Variants in CPED1 observed in about 807,000 individuals in gnomAD.
CPED1 encodes cadherin like and PC-esterase domain containing 1, also known as cadherin-like and PC-esterase domain-containing protein 1.
Under a neutral mutation model 128.2 loss-of-function variants are expected in CPED1, and 114 were observed. The ratio of observed to expected loss-of-function variants is 0.89; its 90% CI spans 0.76 to 1.04. CPED1 has a LOEUF of 1.04. CPED1 is among the 50% of genes least tolerant of loss of function. CPED1 has a pLI of 0.00. For missense variants in CPED1, 1,211 were observed against 1,207.1 expected (o/e 1.00, Z -0.05); for synonymous variants, 462 against 426.7 (o/e 1.08, Z -1.02).
chr7:121,203,215 C>T (rs1177483725), intron 16 of CPED1, among the ~76,000 whole-genome samples: 1 of 152,084 alleles, frequency 6.6e-6, no homozygotes, highest in East Asian at 1.9e-4. Context: ...TCCTTCTATA[C>T]CTTCACAGAT....
intron 16 of CPED1, among the ~76,000 whole-genome samples, chr7:121,221,951 T>G (rs1779650970): frequency 6.6e-6 from 1 of 152,192 alleles, no homozygotes. Context: ...CAGAAGCCCT[T>G]TAGTTTAATT....
intron 3 of CPED1, among the ~76,000 whole-genome samples, chr7:121,035,894 G>A (rs1447055139): frequency 6.6e-6 from 1 of 151,744 alleles, no homozygotes; most frequent in South Asian, 2.1e-4. Flanking sequence ...CTTTTCGTGG[G>A]AGATAATGGG....
chr7:121,241,186 A>G (rs11977799), intron 17 of CPED1, among the ~76,000 whole-genome samples: 2 of 98,608 alleles, frequency 2.0e-5, no homozygotes, highest in African/African-American at 4.1e-5. Flanking sequence ...TACTAAAAAT[A>G]CAAAAAAAAA....
intron 17 of CPED1, among the ~76,000 whole-genome samples, chr7:121,241,933 C>T (rs992981523): frequency 5.3e-5 from 8 of 152,144 alleles, no homozygotes; most frequent in African/African-American, 1.7e-4. Flanking sequence ...ATATTGGAAT[C>T]ACCAAAGAAG....
intron 16 of CPED1, among the ~76,000 whole-genome samples, chr7:121,192,855 T>C (rs541433892): frequency 6.6e-6 from 1 of 152,160 alleles, no homozygotes; most frequent in African/African-American, 2.4e-5. Context: ...AAAATAGATA[T>C]GATTTTTATG....
At chr7:121,101,978 T>G (rs1208355429) in intron 7 of CPED1, among the ~76,000 whole-genome samples, 2 of 152,158 alleles carry the variant, frequency 1.3e-5, no homozygotes, top group Non-Finnish European at 2.9e-5. Context: ...AAAATCCTTC[T>G]TACGCTATAG....
At chr7:121,015,154 C>G (rs1044677217) in intron 2 of CPED1, among the ~76,000 whole-genome samples, 2 of 152,268 alleles carry the variant, frequency 1.3e-5, no homozygotes, top group South Asian at 4.1e-4. Flanking sequence ...TTTGCTACAG[C>G]CTAATTGAGA....
chr7:121,123,603 T>A (rs1422321971), intron 7 of CPED1, among the ~76,000 whole-genome samples: 2 of 152,312 alleles, frequency 1.3e-5, no homozygotes, highest in Non-Finnish European at 2.9e-5. Context: ...GTTTTTGTCA[T>A]TTTAATATTT....
intron 5 of CPED1, among the ~76,000 whole-genome samples, chr7:121,091,150 A>G (rs1293111159): frequency 2.0e-5 from 3 of 148,710 alleles, no homozygotes; most frequent in South Asian, 2.2e-4. Context: ...AATACAGAGG[A>G]AGAGACTTAA....
At chr7:121,158,711 A>C (rs1226374087) in intron 16 of CPED1, among the ~76,000 whole-genome samples, 1 of 152,166 alleles carries the variant, frequency 6.6e-6, no homozygotes, top group African/African-American at 2.4e-5. Context: ...TGGAATATTA[A>C]CCATCTAGCC....
intron 22 of CPED1, among the ~76,000 whole-genome samples, chr7:121,283,915 T>C: frequency 6.6e-6 from 1 of 152,218 alleles, no homozygotes; most frequent in South Asian, 2.1e-4. Context: ...CAATGAGTTA[T>C]ACTGTTTAGT....
At chr7:121,280,682 G>A (rs1443682220) in intron 22 of CPED1, among the ~76,000 whole-genome samples, 3 of 152,156 alleles carry the variant, frequency 2.0e-5, no homozygotes, top group African/African-American at 7.2e-5. Flanking sequence ...ATATTTGGGG[G>A]CAAAGGGATG....
At chr7:121,181,156 A>C (rs1196412283) in intron 16 of CPED1, among the ~76,000 whole-genome samples, 1 of 152,104 alleles carries the variant, frequency 6.6e-6, no homozygotes, top group Non-Finnish European at 1.5e-5. Context: ...ATCATACTGC[A>C]GGAGAAACAA....
chr7:121,267,107 C>T, intron 20 of CPED1, 108 bp from the exon 21 acceptor site: 2 of 686,584 alleles, frequency 2.9e-6, no homozygotes, highest in Non-Finnish European at 5.0e-6. Context: ...TCTTTTATGC[C>T]AATTATCACA....
chr7:121,018,229 C>T (rs1792354208), intron 3 of CPED1, among the ~76,000 whole-genome samples: 1 of 152,188 alleles, frequency 6.6e-6, no homozygotes, highest in Non-Finnish European at 1.5e-5. Context: ...AGCCTATTTT[C>T]CATGCCACAA....
At chr7:121,112,483 A>AAGC (rs1795137107) in intron 7 of CPED1, among the ~76,000 whole-genome samples, 1 of 151,816 alleles carries the variant, frequency 6.6e-6, no homozygotes. Context: ...GAATGCCAAC[A>AAGC]ACCAGAAGCG....
intron 5 of CPED1, among the ~76,000 whole-genome samples, chr7:121,081,641 A>G (rs1379093900): frequency 6.6e-6 from 1 of 152,174 alleles, no homozygotes; most frequent in Non-Finnish European, 1.5e-5. Context: ...GCATTTGAGA[A>G]GGCCAACTTT....
intron 4 of CPED1, among the ~76,000 whole-genome samples, chr7:121,060,801 A>G (rs1207166509): frequency 6.6e-6 from 1 of 152,158 alleles, no homozygotes; most frequent in Non-Finnish European, 1.5e-5. Flanking sequence ...GTCCCTTTTC[A>G]CGTTGTGGAA....
At chr7:121,116,962 C>A (rs12671144) in intron 7 of CPED1, among the ~76,000 whole-genome samples, 6,050 of 44,416 alleles carry the variant, frequency 0.14, 218 homozygotes, top group Middle Eastern at 0.22. Context: ...CTCTCTCTCT[C>A]TATATATATA....
Sources: allele counts gnomAD v4.1 joint callset (sites outside exome capture counted in the v4.1 genomes callset), GRCh38; gene constraint gnomAD v4.1.1; transcripts MANE v1.5; gene names NCBI Gene and HGNC (gene_info 2026-07-23, HGNC 2026-07-21).